ZC3H8: variants seen among roughly 807,000 people sequenced by gnomAD.
ZC3H8 encodes the protein zinc finger CCCH-type containing 8.
Under a neutral mutation model 42.5 loss-of-function variants are expected in ZC3H8, and 27 were observed. That is an observed-to-expected ratio of 0.64 (90% CI 0.47 to 0.88). The LOEUF (loss-of-function observed/expected upper bound fraction) is 0.88. ZC3H8 is among the 40% of genes least tolerant of loss of function. ZC3H8 has a pLI of 0.00. For synonymous variants in ZC3H8, 101 were observed against 110.1 expected (o/e 0.92, Z 0.52); for missense variants, 277 against 336.1 (o/e 0.82, Z 1.37).
intron 8 of ZC3H8, among the ~76,000 whole-genome samples, chr2:112,218,343 C>T (rs763488885): frequency 6.6e-6 from 1 of 152,160 alleles, no homozygotes; most frequent in Non-Finnish European, 1.5e-5. Context: ...CTCAATGGAA[C>T]ATAGACTCTT....
chr2:112,246,853 T>C (rs1685782524), intron 2 of ZC3H8, among the ~76,000 whole-genome samples: 1 of 152,194 alleles, frequency 6.6e-6, no homozygotes, highest in Non-Finnish European at 1.5e-5. Flanking sequence ...TCAAACAGCA[T>C]CACATACTAC....
chr2:112,232,746 AT>A lies in ZC3H8; in HGVS notation c.733+513del, dbSNP rs1411520623. ...TTATATTGAATGCCTGAAGAAAAAA[AT>A]TTTTTTGTGATGACTAAAGGTGCTA... On this transcript the variant is annotated intron_variant, in intron 6 of 8. Transcript: ENST00000409573. 1.1e-4 allele frequency among the ~76,000 whole-genome samples: 16 copies of A among 152,228 alleles called. 1 individual carries two copies. Among genetic ancestry groups the A allele is most frequent in the African/African-American group, 3.9e-4 (16 of 41,548 alleles).
intron 2 of ZC3H8, among the ~76,000 whole-genome samples, chr2:112,248,493 A>T (rs1685833692): frequency 6.6e-6 from 1 of 152,006 alleles, no homozygotes; most frequent in Non-Finnish European, 1.5e-5. Context: ...GTGTGTTAAA[A>T]CTCATTTTTT....
At chr2:112,234,669 G>T (rs1228129716) in intron 4 of ZC3H8, among the ~76,000 whole-genome samples, 1 of 151,962 alleles carries the variant, frequency 6.6e-6, no homozygotes, top group Non-Finnish European at 1.5e-5. Context: ...GAGTGGTGGT[G>T]TGCGCCTGTA....
In ZC3H8 at chr2:112,212,334, C is replaced by T. The variant is rs906401604; in HGVS notation, c.*4150G>A. 3 of 152,186 alleles carry T rather than the reference C, an allele frequency of 2.0e-5. No individual in the cohort carries two copies. The highest frequency in any genetic ancestry group is 1.3e-4 in the Admixed American group (2 of 15,270). 9.4% of individuals were successfully genotyped at this position (152,186 alleles called of 1,614,324 possible). A position where few individuals can be genotyped will look rare whatever the true frequency, so the allele number is the denominator to read the frequency against. On this transcript the variant is annotated 3_prime_UTR_variant, in exon 9 of 9. Transcript: ENST00000409573. ...ATTTCAACACATGAATTTTGGGGGT[C>T]GAATACATTCAGTGTCTAACACTTC... is the stretch of plus-strand genomic sequence containing the variant.
chr2:112,230,950 C>T lies in ZC3H8; in HGVS notation c.844G>A (p.Val282Ile). ...CATGACTTCTTTTCAGTATCCAAAACCTAATATAAAAAAAAAATCACATAA... is the reference window on the plus strand; with the variant it reads ...CATGACTTCTTTTCAGTATCCAAAATCTAATATAAAAAAAAAATCACATAA... Reference protein sequence around the residue: ...TPETQELLAKVLDTEKKSCK With the variant: ...TPETQELLAKILDTEKKSCK Residue 282 changes from valine to isoleucine, a missense_variant and splice_region_variant, in exon 8 of 9, where the codon GTT (valine) becomes ATT (isoleucine). Coordinates refer to ENST00000409573, the MANE Select transcript of ZC3H8 (RefSeq NM_032494.3). 8.0e-7 allele frequency: 1 copy of T among 1,248,426 alleles called. No individual in the cohort carries two copies. Among genetic ancestry groups the T allele is most frequent in the Non-Finnish European group, 1.1e-6 (1 of 949,660 alleles). The allele number at this position is 1,248,426 out of a possible 1,614,324, so 77.3% of individuals were successfully genotyped here.
rs867870901 is a variant in ZC3H8 at position 112,254,802 on chromosome 2, C to A, written c.74+106G>T. On this transcript the variant is annotated intron_variant, in intron 1 of 8. Transcript: ENST00000409573. Reference sequence around the variant, plus strand: ...CCCACGTGCTCCCCACGGGCCCTCGCGACGCGGCCCGGACGTGGCCCCGGA... The same window carrying A: ...CCCACGTGCTCCCCACGGGCCCTCGAGACGCGGCCCGGACGTGGCCCCGGA... 16 of 1,359,766 alleles carry A rather than the reference C, an allele frequency of 1.2e-5. No individual in the cohort carries two copies. In the African/African-American group the frequency reaches 2.4e-4, roughly 20 times the overall value. The allele number at this position is 1,359,766 out of a possible 1,614,324, so 84.2% of individuals were successfully genotyped here. A position where few individuals can be genotyped will look rare whatever the true frequency, so the allele number is the denominator to read the frequency against.
chr2:112,220,309 C>T (rs893528285), intron 8 of ZC3H8, among the ~76,000 whole-genome samples: 22 of 152,172 alleles, frequency 1.4e-4, no homozygotes, highest in African/African-American at 4.8e-4. Flanking sequence ...TCCCATATTT[C>T]GCACTCCCTT....
At chr2:112,222,382 A>G (rs1423071508) in intron 8 of ZC3H8, among the ~76,000 whole-genome samples, 1 of 152,110 alleles carries the variant, frequency 6.6e-6, no homozygotes, top group African/African-American at 2.4e-5. Context: ...TCTGGCTACA[A>G]GAGGTGGGGG....
intron 8 of ZC3H8, among the ~76,000 whole-genome samples, chr2:112,222,587 C>T (rs1684636658): frequency 6.6e-6 from 1 of 152,136 alleles, no homozygotes; most frequent in South Asian, 2.1e-4. Context: ...TTGTCAAAAT[C>T]ACAAGGGACA....
rs1456836067 is a variant in ZC3H8, at chr2:112,212,765, A to G, written c.*3719T>C. 1.3e-5 allele frequency: 2 copies of G among 152,082 alleles called. No individual in the cohort carries two copies. Among genetic ancestry groups the G allele is most frequent in the African/African-American group, 4.8e-5 (2 of 41,402 alleles). The allele number at this position is 152,082 out of a possible 1,614,324, so 9.4% of individuals were successfully genotyped here. ...GTCATAATCCCTATTATAAGACTGT[A>G]ATAAAGATTAAAAATAGATTTAAAA... is the stretch of plus-strand genomic sequence containing the variant. On this transcript the variant is annotated 3_prime_UTR_variant, in exon 9 of 9. Coordinates refer to ENST00000409573, the MANE Select transcript of ZC3H8 (RefSeq NM_032494.3).
At chr2:112,233,179 C>G (rs2104654644) in intron 6 of ZC3H8, 81 bp downstream of exon 6, 1 of 863,102 alleles carries the variant, frequency 1.2e-6, no homozygotes, top group East Asian at 3.0e-5. Flanking sequence ...ACCTAAAACA[C>G]TGGTTTCATT....
intron 5 of ZC3H8, among the ~76,000 whole-genome samples, chr2:112,233,801 G>A (rs564805991): frequency 3.9e-4 from 60 of 152,096 alleles, no homozygotes; most frequent in African/African-American, 1.3e-3. Context: ...CCCAGGAGGC[G>A]GAGCTTGCAG....
chr2:112,235,050 A>C (rs988157027), intron 4 of ZC3H8, among the ~76,000 whole-genome samples: 3 of 152,186 alleles, frequency 2.0e-5, no homozygotes, highest in African/African-American at 7.2e-5. Context: ...AGATTTTTAC[A>C]TTAAAAAAAG....
chr2:112,238,568 T>C (rs751073173), intron 2 of ZC3H8, 40 bp from the exon 3 acceptor site: 2 of 1,521,874 alleles, frequency 1.3e-6, no homozygotes, highest in Admixed American at 3.7e-5. Context: ...AAACCTAGCA[T>C]GATTCAAAAC....
rs746507987 is a variant in ZC3H8, at chr2:112,231,830, ATACT to A, written c.843+4_843+7del. ...AAAAAACAAAAGATTATTAAAAATT[ATACT>A]TACTTTAGCCAACAATTCTTGTGTT... On this transcript the variant is annotated splice_donor_5th_base_variant and intron_variant, in intron 7 of 8. Coordinates refer to ENST00000409573, the MANE Select transcript of ZC3H8 (RefSeq NM_032494.3). 3.9e-6 allele frequency: 6 copies of A among 1,521,888 alleles called. No homozygotes were observed. The highest frequency in any genetic ancestry group is 1.8e-4 in the Middle Eastern group (1 of 5,536). 94.3% of individuals were successfully genotyped at this position (1,521,888 alleles called of 1,614,324 possible). A position where few individuals can be genotyped will look rare whatever the true frequency, so the allele number is the denominator to read the frequency against.
rs923586492 is a variant in ZC3H8, at chr2:112,213,248, G to A, written c.*3236C>T. The A allele has an allele frequency of 2.0e-5, 3 of 152,186 alleles. No individual in the cohort carries two copies. The highest frequency in any genetic ancestry group is 7.2e-5 in the African/African-American group (3 of 41,424). 9.4% of individuals were successfully genotyped at this position (152,186 alleles called of 1,614,324 possible). A position where few individuals can be genotyped will look rare whatever the true frequency, so the allele number is the denominator to read the frequency against. On this transcript the variant is annotated 3_prime_UTR_variant, in exon 9 of 9. Coordinates refer to ENST00000409573, the MANE Select transcript of ZC3H8 (RefSeq NM_032494.3). ...GCCTCCCAAAGTGCCGAGATTCAAG[G>A]TGTGAGCCACTGCACCCGGCCTGAA... is the stretch of plus-strand genomic sequence containing the variant.
chr2:112,254,953 G>A lies in ZC3H8; in HGVS notation c.29C>T (p.Pro10Leu). MDFENLFSK[P>L]PNPALGKTAT... ...CGTTTTGCCGAGGGCCGGGTTGGGGGGTTTTGAGAAAAGATTCTCAAAATC... is the reference window on the plus strand; with the variant it reads ...CGTTTTGCCGAGGGCCGGGTTGGGGAGTTTTGAGAAAAGATTCTCAAAATC... The change falls in exon 1 of 9, where the codon CCC becomes CTC. Residue 10 changes from proline (P) to leucine (L), a missense_variant. Coordinates refer to ENST00000409573, the MANE Select transcript of ZC3H8 (RefSeq NM_032494.3). The A allele has an allele frequency of 6.2e-7, 1 of 1,612,986 alleles. No homozygotes were observed. The highest frequency in any genetic ancestry group is 8.5e-7 in the Non-Finnish European group (1 of 1,179,546).
intron 2 of ZC3H8, among the ~76,000 whole-genome samples, chr2:112,245,078 G>A (rs1685709826): frequency 6.6e-6 from 1 of 152,244 alleles, no homozygotes; most frequent in Non-Finnish European, 1.5e-5. Context: ...AATGCAAAGG[G>A]AAGGTTCCTG....
Sources: allele counts gnomAD v4.1 joint callset (sites outside exome capture counted in the v4.1 genomes callset), GRCh38; gene constraint gnomAD v4.1.1; transcripts MANE v1.5; gene names NCBI Gene and HGNC (gene_info 2026-07-23, HGNC 2026-07-21).